Variants in ANKFN1 observed in about 807,000 individuals in gnomAD.
ANKFN1 encodes ankyrin repeat and fibronectin type-III domain-containing protein 1.
In ANKFN1, 74 loss-of-function variants were observed where a neutral mutation model predicts 108.7. That is an observed-to-expected ratio of 0.68 (90% CI 0.56 to 0.83). ANKFN1 has a LOEUF of 0.83. ANKFN1 is among the 40% of genes least tolerant of loss of function. The pLI is 0.00. For missense variants in ANKFN1, 1,505 were observed against 1,382.3 expected (o/e 1.09, Z -1.41); for synonymous variants, 547 against 516.2 (o/e 1.06, Z -0.81).
intron 1 of ANKFN1, among the ~76,000 whole-genome samples, chr17:56,196,265 A>C (rs540269374): frequency 2.0e-5 from 3 of 152,296 alleles, no homozygotes; most frequent in Admixed American, 6.5e-5. Flanking sequence ...AAGGCAAAAC[A>C]ACCACCACCA....
chr17:56,321,794 GAGA>G (rs2045375266), intron 3 of ANKFN1, among the ~76,000 whole-genome samples: 3 of 152,174 alleles, frequency 2.0e-5, no homozygotes, highest in Non-Finnish European at 4.4e-5. Flanking sequence ...TTTCACAGGT[GAGA>G]ATAATGAAGC....
chr17:56,359,488 T>C (rs533886415), intron 6 of ANKFN1, among the ~76,000 whole-genome samples: 2 of 152,314 alleles, frequency 1.3e-5, no homozygotes, highest in African/African-American at 2.4e-5. Context: ...TCCTTCTCTC[T>C]AGTCCCTCTC....
intron 3 of ANKFN1, among the ~76,000 whole-genome samples, chr17:56,237,649 G>A (rs145534052): frequency 1.7e-3 from 254 of 152,000 alleles, no homozygotes; most frequent in Non-Finnish European, 2.5e-3. Context: ...ATTTCTAATT[G>A]TGTTTATTTG....
rs145916871 is a variant in ANKFN1 at position 56,350,715 on chromosome 17, A to G, written c.189-51A>G. 1.5e-4 allele frequency: 221 copies of G among 1,513,744 alleles called. 2 individuals are homozygous for G. The East Asian group carries it at 4.9e-3, about 34-fold the overall frequency. 93.8% of individuals were successfully genotyped at this position (1,513,744 alleles called of 1,614,324 possible). A position where few individuals can be genotyped will look rare whatever the true frequency, so the allele number is the denominator to read the frequency against. Reference sequence around the variant, plus strand: ...CTGGAGATGATAAAATCATATGTCAACTTATAATTTGTGGTGTAAAAGATA... The same window carrying G: ...CTGGAGATGATAAAATCATATGTCAGCTTATAATTTGTGGTGTAAAAGATA... On this transcript the variant is annotated intron_variant, in intron 4 of 20. Coordinates refer to ENST00000682825, the MANE Select transcript of ANKFN1 (RefSeq NM_001370326.1).
chr17:56,200,114 T>C lies in ANKFN1; in HGVS notation c.-70-12484T>C, dbSNP rs1429812608. ...CAGATCATCAACTCTTGAGTATTAC[T>C]GGAACACATAAACTGTAAAATGTTT... On this transcript the variant is annotated intron_variant, in intron 1 of 20. Coordinates refer to ENST00000682825, the MANE Select transcript of ANKFN1 (RefSeq NM_001370326.1). 3.3e-5 allele frequency among the ~76,000 whole-genome samples: 5 copies of C among 152,202 alleles called. 1 individual carries two copies. The South Asian group carries it at 1.0e-3, about 32-fold the overall frequency.
chr17:56,227,273 T>G (rs1916353388), intron 2 of ANKFN1, among the ~76,000 whole-genome samples: 1 of 152,166 alleles, frequency 6.6e-6, no homozygotes, highest in Non-Finnish European at 1.5e-5. Flanking sequence ...GCTGCCACAC[T>G]GAACAAATTG....
At chr17:56,160,005 T>A (rs1909496707) in intron 1 of ANKFN1, among the ~76,000 whole-genome samples, 1 of 152,132 alleles carries the variant, frequency 6.6e-6, no homozygotes, top group Non-Finnish European at 1.5e-5. Context: ...CTGGTGTTAA[T>A]CTCCTGCTGT....
At chr17:56,197,161 T>C (rs1598218791) in intron 1 of ANKFN1, among the ~76,000 whole-genome samples, 2 of 152,332 alleles carry the variant, frequency 1.3e-5, no homozygotes, top group Admixed American at 6.5e-5. Context: ...AGCGTATCTA[T>C]ATTAAAAAGC....
upstream of ANKFN1, among the ~76,000 whole-genome samples, chr17:56,151,605 A>G (rs1339673017): frequency 3.9e-5 from 6 of 152,184 alleles, no homozygotes; most frequent in Non-Finnish European, 8.8e-5. Flanking sequence ...ATTGAAAAGA[A>G]GAAATAAGCA....
intron 14 of ANKFN1, among the ~76,000 whole-genome samples, chr17:56,460,008 C>G (rs969145009): frequency 2.6e-5 from 4 of 151,362 alleles, no homozygotes; most frequent in African/African-American, 9.7e-5. Context: ...GGAAAAATCC[C>G]ACGCCTGGAT....
intron 3 of ANKFN1, among the ~76,000 whole-genome samples, chr17:56,264,954 C>A (rs948165455): frequency 1.3e-5 from 2 of 152,118 alleles, no homozygotes; most frequent in African/African-American, 4.8e-5. Flanking sequence ...CAGGCCATAT[C>A]CTCATCTACT....
At chr17:56,362,919 A>T (rs1260938533) in intron 6 of ANKFN1, among the ~76,000 whole-genome samples, 3 of 152,214 alleles carry the variant, frequency 2.0e-5, no homozygotes, top group Admixed American at 2.0e-4. Context: ...AAATCAATTT[A>T]AAAATAGGTG....
At chr17:56,091,239 C>T (rs2143193011) in intron 4 of ANKFN1, among the ~76,000 whole-genome samples, 1 of 151,078 alleles carries the variant, frequency 6.6e-6, no homozygotes, top group Non-Finnish European at 1.5e-5. Flanking sequence ...ACAAAAATGA[C>T]AGACATATAA....
At chr17:56,100,572 A>G (rs1439391760) in intron 4 of ANKFN1, among the ~76,000 whole-genome samples, 1 of 152,238 alleles carries the variant, frequency 6.6e-6, no homozygotes, top group Non-Finnish European at 1.5e-5. Context: ...AACAGTTGCT[A>G]TAATGATAGC....
At chr17:56,267,640 CTGAG>C (rs2043686930) in intron 3 of ANKFN1, among the ~76,000 whole-genome samples, 2 of 152,118 alleles carry the variant, frequency 1.3e-5, no homozygotes, top group South Asian at 4.1e-4. Context: ...GCACCATTTA[CTGAG>C]TAAGAAGTCC....
At position 56,286,866 on chromosome 17, in the gene ANKFN1, T is replaced by G. The variant is rs528154029; in HGVS notation, c.54-39355T>G. On this transcript the variant is annotated intron_variant, in intron 3 of 20. Coordinates refer to ENST00000682825, the MANE Select transcript of ANKFN1 (RefSeq NM_001370326.1). ...ATACACATGTATGTATACATATATG[T>G]GTATATATGTATATATTTGGGAAAT... 2.0e-5 allele frequency among the ~76,000 whole-genome samples: 3 copies of G among 152,258 alleles called. No homozygotes were observed. In the East Asian group the frequency reaches 5.8e-4, roughly 29 times the overall value.
chr17:56,383,133 C>G (rs1000033684), intron 8 of ANKFN1, among the ~76,000 whole-genome samples: 2 of 152,222 alleles, frequency 1.3e-5, no homozygotes, highest in African/African-American at 4.8e-5. Context: ...AACTGTCTCT[C>G]AGACCACAGT....
chr17:56,430,500 CCACACA>C (rs60148599), intron 8 of ANKFN1, among the ~76,000 whole-genome samples: 8,349 of 144,138 alleles, frequency 0.058, 260 homozygotes, highest in African/African-American at 0.074. Context: ...GATGCTTTTA[CCACACA>C]CACACACACA....
At chr17:56,202,638 T>G (rs1170650592) in intron 1 of ANKFN1, among the ~76,000 whole-genome samples, 3 of 152,186 alleles carry the variant, frequency 2.0e-5, no homozygotes, top group Non-Finnish European at 4.4e-5. Flanking sequence ...CAATAAATAT[T>G]CTGCCTCCTC....
Sources: allele counts gnomAD v4.1 joint callset (sites outside exome capture counted in the v4.1 genomes callset), GRCh38; gene constraint gnomAD v4.1.1; transcripts MANE v1.5; gene names NCBI Gene and HGNC (gene_info 2026-07-23, HGNC 2026-07-21).